Variants in TRIOBP observed in about 807,000 individuals in gnomAD.
TRIOBP encodes the protein TRIO and F-actin binding protein.
In TRIOBP, 169 loss-of-function variants were observed where a neutral mutation model predicts 238.8. The ratio of observed to expected loss-of-function variants is 0.71; its 90% CI spans 0.62 to 0.80. The LOEUF is 0.80. Among genes scored for constraint, TRIOBP ranks in the 30% least tolerant of loss-of-function variants. The pLI is 0.00. For synonymous variants in TRIOBP, 1,150 were observed against 1,274.4 expected (o/e 0.90, Z 2.08); for missense variants, 2,838 against 3,122.6 (o/e 0.91, Z 2.17).
chr22:37,771,438 G>A (rs1009208678), intron 21 of TRIOBP, among the ~76,000 whole-genome samples: 7 of 152,106 alleles, frequency 4.6e-5, no homozygotes, highest in African/African-American at 1.7e-4. Context: ...CCACTCACAC[G>A]GGCTGGACAG....
chr22:37,728,714 C>T (rs768895260), intron 7 of TRIOBP, among the ~76,000 whole-genome samples: 18 of 152,088 alleles, frequency 1.2e-4, no homozygotes, highest in Non-Finnish European at 2.5e-4. Context: ...CTTTCTTGGC[C>T]TCTCAAAGTG....
intron 5 of TRIOBP, among the ~76,000 whole-genome samples, chr22:37,714,554 A>G (rs1444314315): frequency 2.6e-5 from 4 of 152,090 alleles, no homozygotes; most frequent in Admixed American, 6.6e-5. Context: ...CTGTAATCCC[A>G]GCTACTTGGG....
At chr22:37,771,265 G>A (rs1229914056) in intron 21 of TRIOBP, among the ~76,000 whole-genome samples, 2 of 152,166 alleles carry the variant, frequency 1.3e-5, no homozygotes, top group African/African-American at 4.8e-5. Context: ...CCTTGGTCAA[G>A]TCAGCAGCAC....
intron 21 of TRIOBP, 46 bp from the exon 22 acceptor site, chr22:37,771,604 A>G: frequency 6.4e-7 from 1 of 1,551,552 alleles, no homozygotes; most frequent in Non-Finnish European, 8.9e-7. Context: ...GGGCCAGGGT[A>G]GCTCTGGCTT....
intron 19 of TRIOBP, among the ~76,000 whole-genome samples, chr22:37,768,760 C>T (rs1926620333): frequency 2.6e-5 from 4 of 151,552 alleles, no homozygotes; most frequent in African/African-American, 9.7e-5. Context: ...AAGATTGTGC[C>T]ATTGTATTCC....
At chr22:37,746,118 C>G in intron 11 of TRIOBP, 1 of 933,180 alleles carries the variant, frequency 1.1e-6, no homozygotes, top group Non-Finnish European at 1.3e-6. Context: ...CGCCCCCGGC[C>G]CGTCTCGCGC....
intron 11 of TRIOBP, 30 bp downstream of exon 11, chr22:37,741,062 G>A: frequency 6.4e-7 from 1 of 1,556,586 alleles, no homozygotes; most frequent in Non-Finnish European, 8.7e-7. Context: ...GACTGGAGGG[G>A]TGAGGGTGGA....
chr22:37,705,457 AG>A (rs1158519101), intron 3 of TRIOBP, among the ~76,000 whole-genome samples: 3 of 150,524 alleles, frequency 2.0e-5, no homozygotes, highest in Admixed American at 6.6e-5. Flanking sequence ...GACAGGCAAG[AG>A]GGGGGCACAG....
Position 37,734,968 on chromosome 22 carries a change from G to T in TRIOBP, c.4632G>T (p.Ala1544=). 1 of 1,613,470 alleles carries T rather than the reference G, an allele frequency of 6.2e-7. No homozygotes were observed. The highest frequency in any genetic ancestry group is 8.5e-7 in the Non-Finnish European group (1 of 1,179,984). Residue 1544 remains alanine, a synonymous_variant, in exon 9 of 24, where the codon GCG becomes GCT. Transcript: ENST00000644935. ...PTAVGWGAEG[A]CPYPRGSERR... ...CTGTGGGCTGGGGGGCAGAGGGAGC[G>T]TGTCCATACCCGCGTGGCTCTGAGA...
chr22:37,740,204 G>A (rs527770991), intron 10 of TRIOBP, among the ~76,000 whole-genome samples: 59 of 152,224 alleles, frequency 3.9e-4, no homozygotes, highest in Non-Finnish European at 6.8e-4. Context: ...ATTCCAGAGC[G>A]AGGACCCTGG....
At position 37,715,976 on chromosome 22, in the gene TRIOBP, G is replaced by T. The variant is rs1489497507; in HGVS notation, c.628+42G>T. The T allele has an allele frequency of 2.5e-6, 4 of 1,608,594 alleles. No homozygotes were observed. The African/African-American group carries it at 4.0e-5, about 16-fold the overall frequency. ...GGTTGGTTCCCATGGTGATGGCCTG[G>T]GGCCCCCCAGATAGCCATCTCACTG... On this transcript the variant is annotated intron_variant, in intron 6 of 23. Transcript: ENST00000644935.
At chr22:37,745,858 G>T (rs1185297358) in intron 11 of TRIOBP, among the ~76,000 whole-genome samples, 1 of 152,170 alleles carries the variant, frequency 6.6e-6, no homozygotes, top group Admixed American at 6.5e-5. Context: ...TCGCTCCGGG[G>T]CCGGGTCGGG....
chr22:37,734,183 G>A (rs1451151244), intron 8 of TRIOBP, among the ~76,000 whole-genome samples: 3 of 152,230 alleles, frequency 2.0e-5, no homozygotes, highest in African/African-American at 7.2e-5. Flanking sequence ...ACGGGGGCAG[G>A]TCTTTGCAGA....
At chr22:37,753,475 C>T (rs997694709) in intron 12 of TRIOBP, among the ~76,000 whole-genome samples, 1 of 152,180 alleles carries the variant, frequency 6.6e-6, no homozygotes, top group Admixed American at 6.5e-5. Context: ...GACAGGGTTT[C>T]TCCATGTTGG....
rs766531213 is a variant in TRIOBP, at chr22:37,726,229, C to T, written c.3673C>T (p.Arg1225Ter). The T allele has an allele frequency of 4.4e-6, 7 of 1,605,482 alleles. No individual in the cohort carries two copies. The South Asian group carries it at 4.4e-5, about 10-fold the overall frequency. ...QVCIGHRDAP[R>*]ASSPPRHPPS... ...GTGCATCGGGCACCGGGATGCACCC[C>T]GAGCCTCCTCCCCACCCCGCCACCC... Residue 1225 changes from arginine (R) to a stop codon, truncating the protein, a stop_gained, in exon 7 of 24, where the codon CGA becomes TGA. Transcript: ENST00000644935. LOFTEE classifies it high-confidence loss of function.
At chr22:37,710,298 C>G in intron 3 of TRIOBP, 129 bp from the exon 4 acceptor site, 1 of 1,397,830 alleles carries the variant, frequency 7.2e-7, no homozygotes, top group Non-Finnish European at 9.8e-7. Flanking sequence ...TGATGGGCAG[C>G]TCCTTGAGAA....
intron 11 of TRIOBP, among the ~76,000 whole-genome samples, chr22:37,747,170 C>T (rs1204157919): frequency 6.6e-6 from 1 of 152,172 alleles, no homozygotes; most frequent in Non-Finnish European, 1.5e-5. Context: ...TCGCTGGACT[C>T]CCCACTTCAC....
chr22:37,709,275 C>G (rs575887980), intron 3 of TRIOBP, among the ~76,000 whole-genome samples: 8 of 152,324 alleles, frequency 5.3e-5, no homozygotes, highest in African/African-American at 1.9e-4. Flanking sequence ...GCTCTGGGCT[C>G]CAGGGTCCCC....
rs369115746 is a variant in TRIOBP, at chr22:37,724,822, G to C, written c.2266G>C (p.Ala756Pro). The change falls in exon 7 of 24, where the codon GCC (alanine) becomes CCC (proline). Residue 756 changes from alanine (A) to proline (P), a missense_variant. Transcript: ENST00000644935. The part of the protein sequence containing the change: ...TSCAQRDNPR[A>P]SSPNRTIQQE... Reference sequence around the variant, plus strand: ...CTGTGCCCAGCGGGACAATCCCAGAGCCTCCTCTCCTAACAGAACCATCCA... The same window carrying C: ...CTGTGCCCAGCGGGACAATCCCAGACCCTCCTCTCCTAACAGAACCATCCA... The C allele has an allele frequency of 6.2e-7, 1 of 1,613,044 alleles. No individual in the cohort carries two copies. Among genetic ancestry groups the C allele is most frequent in the Non-Finnish European group, 8.5e-7 (1 of 1,179,760 alleles).
Sources: gnomAD v4.1 joint callset for allele counts (sites outside exome capture counted in the v4.1 genomes callset) on GRCh38, gnomAD v4.1.1 for gene constraint, MANE v1.5 for transcripts, NCBI Gene and HGNC (gene_info 2026-07-23, HGNC 2026-07-21) for gene names.